GRIA4: variants seen among roughly 807,000 people sequenced by gnomAD.
GRIA4 encodes glutamate ionotropic receptor AMPA type subunit 4, also known as glutamate receptor 4.
A neutral mutation model predicts 104.0 loss-of-function variants in GRIA4; 34 were observed. The observed-to-expected ratio is 0.33, with a 90% confidence interval of 0.25 to 0.44. GRIA4 has a LOEUF of 0.44. GRIA4 is among the 20% of genes least tolerant of loss of function. The pLI, the probability that GRIA4 is intolerant of heterozygous loss-of-function variation, is 1.00. For synonymous variants in GRIA4, 386 were observed against 381.9 expected (o/e 1.01, Z -0.13); for missense variants, 750 against 1,096.5 (o/e 0.68, Z 4.46).
intron 5 of GRIA4, 78 bp from the exon 6 acceptor site, chr11:105,887,441 C>A: frequency 3.0e-6 from 2 of 658,016 alleles, no homozygotes; most frequent in South Asian, 2.0e-5. Context: ...TGGAATTATG[C>A]TAAAATAGAT....
intron 3 of GRIA4, among the ~76,000 whole-genome samples, chr11:105,617,483 G>A (rs1950630598): frequency 6.6e-6 from 1 of 151,876 alleles, no homozygotes; most frequent in Non-Finnish European, 1.5e-5. Flanking sequence ...AAGGCCATAA[G>A]GGTGTGAAAA....
intron 4 of GRIA4, among the ~76,000 whole-genome samples, chr11:105,800,523 CA>C (rs1942676791): frequency 6.6e-6 from 1 of 151,798 alleles, no homozygotes; most frequent in South Asian, 2.1e-4. Flanking sequence ...AATTAGGGGA[CA>C]AGGATTGTTT....
At chr11:105,642,726 C>A (rs890121610) in intron 3 of GRIA4, among the ~76,000 whole-genome samples, 1 of 152,044 alleles carries the variant, frequency 6.6e-6, no homozygotes, top group African/African-American at 2.4e-5. Context: ...ATTGTTGAAT[C>A]AAGTACACAT....
intron 13 of GRIA4, among the ~76,000 whole-genome samples, chr11:105,928,443 C>T (rs1565348096): frequency 6.6e-6 from 1 of 151,882 alleles, no homozygotes. Flanking sequence ...TTTAACTTAC[C>T]TAGCACATCC....
At chr11:105,738,916 C>G (rs1181109765) in intron 3 of GRIA4, among the ~76,000 whole-genome samples, 1 of 59,788 alleles carries the variant, frequency 1.7e-5, no homozygotes, top group Non-Finnish European at 3.3e-5. Context: ...TGGAAGTTGA[C>G]AAGTAAAAAA....
intron 4 of GRIA4, among the ~76,000 whole-genome samples, chr11:105,854,709 T>A (rs1944948059): frequency 6.6e-6 from 1 of 151,950 alleles, no homozygotes; most frequent in Non-Finnish European, 1.5e-5. Flanking sequence ...AAATACGAGA[T>A]GTGATTGTGA....
At position 105,979,624 on chromosome 11, in the gene GRIA4, G is replaced by T. The variant is rs533327226; in HGVS notation, c.2594G>T (p.Gly865Val). Residue 865 changes from glycine (G) to valine (V), a missense_variant, in exon 17 of 17, where the codon GGG (glycine) becomes GTG (valine). This residue lies in a region of GRIA4 where 68 missense variants were observed against 69.3 expected (regional missense o/e 0.98). Transcript: ENST00000282499. ...IRNKARLSIT[G>V]SVGENGRVLT... ...AACAAAGCCAGATTATCCATCACTG[G>T]GAGTGTGGGAGAGAATGGCCGCGTC... 10 of 1,613,790 alleles carry T rather than the reference G, an allele frequency of 6.2e-6. No homozygotes were observed. The Admixed American group carries it at 1.2e-4, about 19-fold the overall frequency.
intron 3 of GRIA4, among the ~76,000 whole-genome samples, chr11:105,726,506 GAGC>G (rs1661607090): frequency 6.6e-6 from 1 of 152,182 alleles, no homozygotes; most frequent in Non-Finnish European, 1.5e-5. Flanking sequence ...GCTCTGAAGA[GAGC>G]AGCAGATCTC....
At chr11:105,727,016 T>G (rs1938254033) in intron 3 of GRIA4, among the ~76,000 whole-genome samples, 1 of 151,906 alleles carries the variant, frequency 6.6e-6, no homozygotes, top group South Asian at 2.1e-4. Context: ...CAAGGAAACA[T>G]AACTGGACAG....
At chr11:105,648,601 A>G (rs1951598617) in intron 3 of GRIA4, among the ~76,000 whole-genome samples, 1 of 151,872 alleles carries the variant, frequency 6.6e-6, no homozygotes, top group Admixed American at 6.6e-5. Context: ...AGGAAAAAAA[A>G]AGAAAGAACT....
At chr11:105,971,034 G>A (rs1858662743) in intron 14 of GRIA4, among the ~76,000 whole-genome samples, 1 of 152,122 alleles carries the variant, frequency 6.6e-6, no homozygotes, top group Non-Finnish European at 1.5e-5. Context: ...TATAAATAGA[G>A]TCTTCTTATA....
At chr11:105,967,924 T>C (rs1257068986) in intron 14 of GRIA4, among the ~76,000 whole-genome samples, 1 of 152,224 alleles carries the variant, frequency 6.6e-6, no homozygotes. Context: ...ATTTTCTTTG[T>C]AAACTTACCT....
At chr11:105,794,752 A>T (rs1942411197) in intron 4 of GRIA4, among the ~76,000 whole-genome samples, 1 of 151,152 alleles carries the variant, frequency 6.6e-6, no homozygotes, top group South Asian at 2.1e-4. Context: ...TTGGAGATGG[A>T]GAATTGTAAA....
At chr11:105,668,043 G>GTTTCT (rs954149100) in intron 3 of GRIA4, among the ~76,000 whole-genome samples, 13 of 151,174 alleles carry the variant, frequency 8.6e-5, no homozygotes, top group Non-Finnish European at 1.8e-4. Context: ...TCTACTCTCT[G>GTTTCT]TTTCTATGAA....
At chr11:105,632,925 T>G (rs890549519) in intron 3 of GRIA4, among the ~76,000 whole-genome samples, 25 of 152,280 alleles carry the variant, frequency 1.6e-4, no homozygotes, top group Non-Finnish European at 1.5e-4. Context: ...CAAAATAAAA[T>G]GCACATTTCA....
intron 4 of GRIA4, among the ~76,000 whole-genome samples, chr11:105,784,476 A>G (rs1420881312): frequency 6.6e-6 from 1 of 152,234 alleles, no homozygotes; most frequent in African/African-American, 2.4e-5. Flanking sequence ...AACTGCCGTG[A>G]GTGCAGGAGT....
chr11:105,794,445 G>GTC lies in GRIA4; in HGVS notation c.487+41226_487+41227insCT, dbSNP rs1942363668. Among the ~76,000 whole-genome samples, 3 of 105,342 alleles carry GTC rather than the reference G, an allele frequency of 2.8e-5. No individual in the cohort carries two copies. In the Admixed American group the frequency reaches 2.9e-4, roughly 10 times the overall value. The allele number at this position is 105,342 out of a possible 152,430, so 69.1% of individuals were successfully genotyped here. On this transcript the variant is annotated intron_variant, in intron 4 of 16. Transcript: ENST00000282499. Reference sequence around the variant, plus strand: ...TGTGTGTGCCGGGGTGTGTGTGTGTGTGTGTGTCTGTGTGTGTGTATATGT... The same window carrying GTC: ...TGTGTGTGCCGGGGTGTGTGTGTGTGTCTGTGTGTCTGTGTGTGTGTATATGT...
intron 4 of GRIA4, among the ~76,000 whole-genome samples, chr11:105,852,280 A>AT (rs1211389154): frequency 3.9e-5 from 6 of 152,146 alleles, no homozygotes; most frequent in Non-Finnish European, 5.9e-5. Flanking sequence ...GTAGGGATGA[A>AT]TTTCTTTACC....
intron 3 of GRIA4, among the ~76,000 whole-genome samples, chr11:105,633,880 A>T (rs1183699715): frequency 3.3e-5 from 5 of 152,288 alleles, no homozygotes; most frequent in Admixed American, 3.3e-4. Flanking sequence ...TGACTTGGAA[A>T]CTGAGACTTT....
Sources: allele counts gnomAD v4.1 joint callset (sites outside exome capture counted in the v4.1 genomes callset), GRCh38; gene constraint gnomAD v4.1.1; regional missense constraint gnomAD v4.1.1; transcripts MANE v1.5; gene names NCBI Gene and HGNC (gene_info 2026-07-23, HGNC 2026-07-21).